Variants in IMMP2L observed in about 807,000 individuals in gnomAD.
The protein encoded by IMMP2L is mitochondrial inner membrane protease subunit 2.
A neutral mutation model predicts 19.3 loss-of-function variants in IMMP2L; 18 were observed. That is an observed-to-expected ratio of 0.93 (90% CI 0.64 to 1.38). The LOEUF (loss-of-function observed/expected upper bound fraction) is 1.38. IMMP2L is among the 40% of genes most tolerant of loss of function. IMMP2L has a pLI of 0.00. For synonymous variants in IMMP2L, 76 were observed against 73.0 expected, an observed-to-expected ratio of 1.04 and a Z score of -0.21; for missense variants, 233 against 218.2, an observed-to-expected ratio of 1.07 and a Z score of -0.43.
At chr7:110,910,132 G>A (rs575720128) in intron 4 of IMMP2L, among the ~76,000 whole-genome samples, 3 of 152,226 alleles carry the variant, frequency 2.0e-5, no homozygotes, top group African/African-American at 7.2e-5. Flanking sequence ...CAGTATACAG[G>A]AACGATGCAT....
At chr7:110,853,932 G>A (rs1000282832) in intron 5 of IMMP2L, among the ~76,000 whole-genome samples, 6 of 151,900 alleles carry the variant, frequency 3.9e-5, no homozygotes, top group East Asian at 1.9e-4. Flanking sequence ...TATAGGACAT[G>A]ATAAACACAC....
intron 3 of IMMP2L, among the ~76,000 whole-genome samples, chr7:111,114,295 T>G (rs759748964): frequency 7.7e-4 from 117 of 152,212 alleles, no homozygotes; most frequent in Non-Finnish European, 5.7e-4. Context: ...CTACTTCTGA[T>G]GTAAATGAAA....
Position 110,766,453 on chromosome 7 carries a change from G to A in IMMP2L, c.409-102732C>T, listed in dbSNP as rs374310266. 1.1e-4 allele frequency among the ~76,000 whole-genome samples: 16 copies of A among 151,980 alleles called. No homozygotes were observed. The East Asian group carries it at 1.9e-3, about 18-fold the overall frequency. On this transcript the variant is annotated intron_variant, in intron 5 of 5. Coordinates refer to ENST00000405709, the MANE Select transcript of IMMP2L (RefSeq NM_032549.4). ...TAAAAAATGCATATATTAGCCGGGC[G>A]TGGTGATGCGCGCTTGTAATCCCAG...
At chr7:110,691,084 T>C (rs1265387830) in intron 5 of IMMP2L, among the ~76,000 whole-genome samples, 3 of 152,106 alleles carry the variant, frequency 2.0e-5, no homozygotes, top group African/African-American at 7.2e-5. Flanking sequence ...TACAAGGCTA[T>C]AGTAACCTTG....
chr7:110,993,778 A>C (rs1822738428), intron 3 of IMMP2L, among the ~76,000 whole-genome samples: 1 of 151,946 alleles, frequency 6.6e-6, no homozygotes, highest in African/African-American at 2.4e-5. Flanking sequence ...AAACCCCCAA[A>C]CAACCAAACA....
At chr7:110,967,341 T>C (rs926095451) in intron 3 of IMMP2L, among the ~76,000 whole-genome samples, 6 of 152,044 alleles carry the variant, frequency 3.9e-5, no homozygotes, top group Non-Finnish European at 7.4e-5. Flanking sequence ...AAGAGACCCC[T>C]CTAGTATTGT....
intron 3 of IMMP2L, among the ~76,000 whole-genome samples, chr7:111,073,773 A>G (rs942951359): frequency 1.3e-5 from 2 of 152,316 alleles, no homozygotes; most frequent in Non-Finnish European, 2.9e-5. Context: ...TTGTGTTACC[A>G]ATTATGTAGC....
At chr7:111,398,503 C>T (rs1034875510) in intron 3 of IMMP2L, among the ~76,000 whole-genome samples, 2 of 151,990 alleles carry the variant, frequency 1.3e-5, no homozygotes, top group African/African-American at 4.8e-5. Flanking sequence ...TTATGACAAA[C>T]CCACAGCCAA....
intron 1 of IMMP2L, among the ~76,000 whole-genome samples, chr7:111,528,140 A>G (rs1256576860): frequency 6.6e-6 from 1 of 152,204 alleles, no homozygotes; most frequent in East Asian, 1.9e-4. Flanking sequence ...TGGCATTCAC[A>G]TATTGGCAAA....
chr7:111,016,927 ATAC>A (rs1230959541), intron 3 of IMMP2L, among the ~76,000 whole-genome samples: 6 of 96,660 alleles, frequency 6.2e-5, no homozygotes, highest in Admixed American at 1.6e-4. Context: ...ATATTTATAT[ATAC>A]TAATATATAT....
At chr7:111,282,762 T>G (rs1383281807) in intron 3 of IMMP2L, among the ~76,000 whole-genome samples, 1 of 152,084 alleles carries the variant, frequency 6.6e-6, no homozygotes, top group African/African-American at 2.4e-5. Context: ...TTTTGTGTGT[T>G]TTATAGAGAC....
chr7:111,462,879 TAAAAA>T (rs1398940778), intron 3 of IMMP2L, among the ~76,000 whole-genome samples: 3 of 152,148 alleles, frequency 2.0e-5, no homozygotes, highest in African/African-American at 7.2e-5. Flanking sequence ...TATATACACT[TAAAAA>T]GAAACTGAAA....
At chr7:110,966,159 G>A (rs541448132) in intron 3 of IMMP2L, among the ~76,000 whole-genome samples, 3 of 152,134 alleles carry the variant, frequency 2.0e-5, no homozygotes, top group South Asian at 4.1e-4. Context: ...GATTGAAACC[G>A]TATGTTAGAA....
intron 3 of IMMP2L, among the ~76,000 whole-genome samples, chr7:111,423,868 T>G (rs955497191): frequency 1.3e-5 from 2 of 151,696 alleles, no homozygotes; most frequent in Non-Finnish European, 2.9e-5. Context: ...CAGGAACTGG[T>G]TTTTTGAAAA....
At chr7:111,004,674 G>A (rs1029964285) in intron 3 of IMMP2L, among the ~76,000 whole-genome samples, 2 of 152,076 alleles carry the variant, frequency 1.3e-5, no homozygotes, top group Non-Finnish European at 2.9e-5. Flanking sequence ...AGCGTCTTCA[G>A]TCACCCAACC....
At chr7:111,206,443 T>C (rs1381348642) in intron 3 of IMMP2L, among the ~76,000 whole-genome samples, 4 of 152,194 alleles carry the variant, frequency 2.6e-5, no homozygotes, top group African/African-American at 4.8e-5. Flanking sequence ...TCTACATTTA[T>C]ATGCATTTTG....
chr7:110,780,862 T>C (rs2131079923), intron 5 of IMMP2L, among the ~76,000 whole-genome samples: 1 of 151,992 alleles, frequency 6.6e-6, no homozygotes, highest in East Asian at 1.9e-4. Context: ...AGAGTGCCTG[T>C]CTCATTATTT....
At chr7:110,932,182 G>A (rs1403110996) in intron 4 of IMMP2L, among the ~76,000 whole-genome samples, 1 of 152,084 alleles carries the variant, frequency 6.6e-6, no homozygotes, top group Non-Finnish European at 1.5e-5. Context: ...TCACGAGAGT[G>A]GGGATTCTTA....
chr7:111,397,018 G>C (rs1156368242), intron 3 of IMMP2L, among the ~76,000 whole-genome samples: 1 of 150,166 alleles, frequency 6.7e-6, no homozygotes, highest in Non-Finnish European at 1.5e-5. Context: ...AACCAGGGAG[G>C]CAGAGCTTGC....
Sources: allele counts gnomAD v4.1 joint callset (sites outside exome capture counted in the v4.1 genomes callset), GRCh38; gene constraint gnomAD v4.1.1; transcripts MANE v1.5; gene names NCBI Gene and HGNC (gene_info 2026-07-23, HGNC 2026-07-21).